The following TXLNB variants were observed in gnomAD, a reference collection of about 807,000 sequenced individuals.
TXLNB encodes the protein taxilin beta, also known as beta-taxilin.
A neutral mutation model predicts 57.4 loss-of-function variants in TXLNB; 37 were observed. That is an observed-to-expected ratio of 0.64 (90% CI 0.50 to 0.85). The LOEUF (loss-of-function observed/expected upper bound fraction) is 0.85. Ranked by LOEUF, TXLNB falls within the 40% of genes least tolerant of loss-of-function variation. TXLNB has a pLI of 0.00. For missense variants in TXLNB, 848 were observed against 825.6 expected, an observed-to-expected ratio of 1.03 and a Z score of -0.33; for synonymous variants, 302 against 309.6, an observed-to-expected ratio of 0.98 and a Z score of 0.26.
the TXLNB span, among the ~76,000 whole-genome samples, chr6:139,300,668 G>A: frequency 1.8e-4 from 28 of 152,192 alleles, no homozygotes; most frequent in African/African-American, 6.8e-4. Flanking sequence ...GGAGGCTGAC[G>A]TGGTGGATCA....
chr6:139,292,962 C>G (rs1777329789), upstream of TXLNB, among the ~76,000 whole-genome samples: 1 of 152,180 alleles, frequency 6.6e-6, no homozygotes, highest in Non-Finnish European at 1.5e-5. The surrounding 1 kb of genome is among the most constrained non-coding windows in gnomAD (Gnocchi z 4.0). Flanking sequence ...CCCAAAAGAT[C>G]TCCACGTCCT....
At chr6:139,255,662 A>G in intron 6 of TXLNB, 24 bp from the exon 7 acceptor site, 1 of 1,599,040 alleles carries the variant, frequency 6.3e-7, no homozygotes, top group Admixed American at 1.7e-5. Context: ...GAGTGTGTGG[A>G]AAGATGGTCA....
At chr6:139,273,728 G>C (rs901013661) in intron 3 of TXLNB, among the ~76,000 whole-genome samples, 2 of 152,228 alleles carry the variant, frequency 1.3e-5, no homozygotes, top group Non-Finnish European at 2.9e-5. Context: ...AGAGTGCTGG[G>C]ATTACAGGCA....
chr6:139,208,416 G>C, the TXLNB span, among the ~76,000 whole-genome samples: 1 of 152,152 alleles, frequency 6.6e-6, no homozygotes, highest in Non-Finnish European at 1.5e-5. Context: ...GATAGAGAAA[G>C]AGGGAATCCT....
At chr6:139,178,379 AT>A in the TXLNB span, 2 of 152,204 alleles carry the variant, frequency 1.3e-5, no homozygotes, top group East Asian at 3.8e-4. Context: ...TTTCTCAAAA[AT>A]TAATTTGATA....
rs376264844 is a variant in TXLNB, at chr6:139,255,657, T to C, written c.1003-19A>G. On this transcript the variant is annotated intron_variant, in intron 6 of 9. Transcript: ENST00000358430. Reference sequence around the variant, plus strand: ...TCAGCAACTATGAGAAGAGAGAGTGTGTGGAAAGATGGTCAGATTTGCCTT... The same window carrying C: ...TCAGCAACTATGAGAAGAGAGAGTGCGTGGAAAGATGGTCAGATTTGCCTT... 1 of 1,603,234 alleles carries C rather than the reference T, an allele frequency of 6.2e-7. No homozygotes were observed. The highest frequency in any genetic ancestry group is 8.5e-7 in the Non-Finnish European group (1 of 1,171,528).
chr6:139,297,021 C>A, the TXLNB span, among the ~76,000 whole-genome samples: 1 of 152,110 alleles, frequency 6.6e-6, no homozygotes, highest in Admixed American at 6.6e-5. Context: ...CTTAGTCTTT[C>A]CAGTCTACCA....
At chr6:139,316,905 C>T in the TXLNB span, among the ~76,000 whole-genome samples, 1 of 152,016 alleles carries the variant, frequency 6.6e-6, no homozygotes, top group Non-Finnish European at 1.5e-5. Context: ...GCTGGGGAGG[C>T]AAAGGTTGGA....
At chr6:139,233,187 A>G in the TXLNB span, among the ~76,000 whole-genome samples, 8 of 151,850 alleles carry the variant, frequency 5.3e-5, no homozygotes, top group Non-Finnish European at 1.2e-4. Flanking sequence ...ACATAATGTT[A>G]AACTTAAAAA....
upstream of TXLNB, among the ~76,000 whole-genome samples, chr6:139,294,128 A>T (rs1483262541): frequency 6.6e-6 from 1 of 152,242 alleles, no homozygotes; most frequent in African/African-American, 2.4e-5. Flanking sequence ...ATAAATTTTA[A>T]AATGTATACA....
the TXLNB span, among the ~76,000 whole-genome samples, chr6:139,173,976 C>A: frequency 6.6e-6 from 1 of 152,230 alleles, no homozygotes; most frequent in Non-Finnish European, 1.5e-5. Flanking sequence ...CACAAGAGAG[C>A]TTGTGACAAG....
the TXLNB span, among the ~76,000 whole-genome samples, chr6:139,312,820 A>C: frequency 2.0e-5 from 3 of 152,132 alleles, no homozygotes; most frequent in Non-Finnish European, 2.9e-5. Flanking sequence ...TACTGAGGAG[A>C]GGATGACTGT....
In TXLNB at chr6:139,270,599, T is replaced by C; in HGVS notation, c.544A>G (p.Lys182Glu). 1 of 1,614,126 alleles carries C rather than the reference T, an allele frequency of 6.2e-7. No homozygotes were observed. The highest frequency in any genetic ancestry group is 8.5e-7 in the Non-Finnish European group (1 of 1,179,994). Residue 182 changes from lysine to glutamate, a missense_variant, in exon 4 of 10, where the codon AAG becomes GAG. By Grantham distance (56) the Lys-to-Glu change is moderately conservative. Transcript: ENST00000358430. ...LLDEHRTEQKKLKLLQKKQVQ... is the reference protein window; with the variant it reads ...LLDEHRTEQKELKLLQKKQVQ... Reference sequence around the variant, plus strand: ...TGTTTCTTTTGGAGGAGCTTTAACTTCTTTTGCTCAGTACGATGTTCATCC... The same window carrying C: ...TGTTTCTTTTGGAGGAGCTTTAACTCCTTTTGCTCAGTACGATGTTCATCC...
the TXLNB span, among the ~76,000 whole-genome samples, chr6:139,190,608 C>T: frequency 6.6e-6 from 1 of 152,030 alleles, no homozygotes; most frequent in Non-Finnish European, 1.5e-5. Flanking sequence ...CACGCCTGGC[C>T]AAGGGCCTGT....
the TXLNB span, among the ~76,000 whole-genome samples, chr6:139,188,289 G>A: frequency 6.6e-6 from 1 of 152,142 alleles, no homozygotes; most frequent in Non-Finnish European, 1.5e-5. Flanking sequence ...TGAGAAGAGG[G>A]TTGAGAAAGT....
intron 2 of TXLNB, among the ~76,000 whole-genome samples, chr6:139,277,357 C>T (rs981878471): frequency 1.3e-5 from 2 of 152,196 alleles, no homozygotes; most frequent in African/African-American, 4.8e-5. Flanking sequence ...AACAGCAACA[C>T]GGAGTTGCTG....
rs1334958775 is a variant in TXLNB, at chr6:139,255,551, C to T, written c.1077+13G>A. ...GAGGACAGCACCCCCATGCCTCGTC[C>T]ACCTGGCCTCACCTGAGCCTGCAGG... On this transcript the variant is annotated intron_variant, in intron 7 of 9. Coordinates refer to ENST00000358430, the MANE Select transcript of TXLNB (RefSeq NM_153235.4). The T allele has an allele frequency of 6.8e-6, 11 of 1,613,160 alleles. No individual in the cohort carries two copies. Among genetic ancestry groups the T allele is most frequent in the African/African-American group, 1.3e-5 (1 of 74,898 alleles).
At chr6:139,282,169 T>C (rs1448257217) in intron 2 of TXLNB, among the ~76,000 whole-genome samples, 1 of 149,970 alleles carries the variant, frequency 6.7e-6, no homozygotes, top group Non-Finnish European at 1.5e-5. Flanking sequence ...CTTCAGAAAA[T>C]ACCATCTCCT....
the TXLNB span, among the ~76,000 whole-genome samples, chr6:139,220,540 G>A: frequency 3.3e-5 from 5 of 152,126 alleles, no homozygotes; most frequent in Admixed American, 6.5e-5. Context: ...GTAGCTCCTC[G>A]GAGAGCTGGA....
Sources: allele counts gnomAD v4.1 joint callset (sites outside exome capture counted in the v4.1 genomes callset), GRCh38; gene constraint gnomAD v4.1.1; non-coding constraint Gnocchi (gnomAD v3.1); transcripts MANE v1.5; gene names NCBI Gene and HGNC (gene_info 2026-07-23, HGNC 2026-07-21).